The following EPN2 variants were observed in gnomAD, a reference collection of about 807,000 sequenced individuals.
EPN2 encodes epsin-2.
EPN2 carries 34 observed loss-of-function variants against 61.7 expected under a neutral mutation model. That is an observed-to-expected ratio of 0.55 (90% CI 0.42 to 0.73). The LOEUF (loss-of-function observed/expected upper bound fraction) is 0.73, where lower values mean the gene tolerates loss of function less well. Among genes scored for constraint, EPN2 ranks in the 30% least tolerant of loss-of-function variants. The pLI is 0.00. For synonymous variants in EPN2, 349 were observed against 353.6 expected (o/e 0.99, Z 0.15); for missense variants, 714 against 839.2 (o/e 0.85, Z 1.84).
chr17:19,268,555 G>T (rs140295244), intron 1 of EPN2, among the ~76,000 whole-genome samples: 1 of 152,136 alleles, frequency 6.6e-6, no homozygotes, highest in Non-Finnish European at 1.5e-5. Context: ...ATGACAAAAC[G>T]ATGTTATAAA....
chr17:19,309,788 T>G, intron 4 of EPN2, 97 bp from the exon 5 acceptor site: 4 of 895,424 alleles, frequency 4.5e-6, no homozygotes, highest in Non-Finnish European at 7.4e-6. Context: ...CTTGCGGGTT[T>G]GAGATGGGAA....
At chr17:19,240,893 C>T (rs1339004315) in intron 1 of EPN2, among the ~76,000 whole-genome samples, 4 of 152,224 alleles carry the variant, frequency 2.6e-5, no homozygotes, top group East Asian at 3.9e-4. Flanking sequence ...CAGTATTCCT[C>T]GAGGCAGGGG....
chr17:19,267,530 A>G (rs555730793), intron 1 of EPN2, among the ~76,000 whole-genome samples: 1 of 150,866 alleles, frequency 6.6e-6, no homozygotes, highest in Non-Finnish European at 1.5e-5. Flanking sequence ...TGAAGCAAGC[A>G]GTAGAGCAGC....
chr17:19,284,529 TG>T (rs2045386572), intron 3 of EPN2, among the ~76,000 whole-genome samples: 1 of 152,190 alleles, frequency 6.6e-6, no homozygotes. Context: ...TAGTGGCCTT[TG>T]GGGGACAGGG....
chr17:19,279,186 ATTGT>A (rs1417772232), intron 1 of EPN2, among the ~76,000 whole-genome samples: 2 of 152,096 alleles, frequency 1.3e-5, no homozygotes, highest in Non-Finnish European at 2.9e-5. Flanking sequence ...CTGTTTCTTA[ATTGT>A]TTGGAGTTCC....
chr17:19,280,750 TG>T (rs1395601968), intron 1 of EPN2, among the ~76,000 whole-genome samples: 1 of 152,226 alleles, frequency 6.6e-6, no homozygotes, highest in Non-Finnish European at 1.5e-5. Context: ...CAGTCAGTTT[TG>T]CAGGACACCA....
intron 1 of EPN2, among the ~76,000 whole-genome samples, chr17:19,259,078 A>T (rs1050849457): frequency 6.6e-6 from 1 of 152,254 alleles, no homozygotes; most frequent in Admixed American, 6.5e-5. Flanking sequence ...AACAAATATT[A>T]TCTGCCTTCA....
At chr17:19,314,924 A>G (rs2152233567) in intron 7 of EPN2, among the ~76,000 whole-genome samples, 1 of 152,358 alleles carries the variant, frequency 6.6e-6, no homozygotes, top group South Asian at 2.1e-4. Flanking sequence ...GATGGCCACC[A>G]TAAGTTATGG....
At chr17:19,252,835 GC>G (rs1476459123) in intron 1 of EPN2, among the ~76,000 whole-genome samples, 1 of 151,964 alleles carries the variant, frequency 6.6e-6, no homozygotes, top group Admixed American at 6.6e-5. Flanking sequence ...GGCTACAGGT[GC>G]GTGTCACCAT....
chr17:19,244,613 T>C (rs1675266713), intron 1 of EPN2, among the ~76,000 whole-genome samples: 1 of 152,198 alleles, frequency 6.6e-6, no homozygotes, highest in Non-Finnish European at 1.5e-5. Flanking sequence ...TATTCTTTCA[T>C]GTTTACAGTT....
At chr17:19,273,374 G>T (rs2045274424) in intron 1 of EPN2, 1 of 152,102 alleles carries the variant, frequency 6.6e-6, no homozygotes, top group African/African-American at 2.4e-5. Flanking sequence ...AAAGTCCCAG[G>T]GGAGACAAGT....
At chr17:19,314,091 C>T (rs999315362) in intron 7 of EPN2, among the ~76,000 whole-genome samples, 1 of 152,166 alleles carries the variant, frequency 6.6e-6, no homozygotes, top group African/African-American at 2.4e-5. Context: ...GTGTTTAACT[C>T]GGTTCCCTAG....
intron 1 of EPN2, among the ~76,000 whole-genome samples, chr17:19,241,817 C>T (rs1484868525): frequency 6.6e-6 from 1 of 151,934 alleles, no homozygotes; most frequent in Non-Finnish European, 1.5e-5. Flanking sequence ...AACTGAGGCC[C>T]AGAGAGGTTA....
intron 1 of EPN2, chr17:19,273,967 G>C (rs754413957): frequency 6.6e-6 from 1 of 152,184 alleles, no homozygotes. Flanking sequence ...TGGAGAGCCC[G>C]TGTGGTTTGG....
At chr17:19,325,265 AT>A (rs1658355188) in intron 7 of EPN2, among the ~76,000 whole-genome samples, 3 of 152,264 alleles carry the variant, frequency 2.0e-5, no homozygotes, top group African/African-American at 7.2e-5. Context: ...CAGAAGCCTA[AT>A]GGCAACACCA....
chr17:19,288,945 G>T (rs1384022054), intron 4 of EPN2, among the ~76,000 whole-genome samples: 3 of 152,066 alleles, frequency 2.0e-5, no homozygotes, highest in Non-Finnish European at 2.9e-5. Context: ...GATCCCTTGG[G>T]GTGTGTATGG....
intron 4 of EPN2, among the ~76,000 whole-genome samples, chr17:19,301,550 T>C (rs4924980): frequency 0.56 from 85,447 of 152,098 alleles, 30,854 homozygotes; most frequent in Non-Finnish European, 0.81. Flanking sequence ...CCAAGTTCCC[T>C]AGACCAGTCA....
At chr17:19,292,465 C>T (rs561411316) in intron 4 of EPN2, among the ~76,000 whole-genome samples, 4 of 152,196 alleles carry the variant, frequency 2.6e-5, no homozygotes, top group Admixed American at 6.5e-5. Context: ...CCTGCATCTT[C>T]GGCTGGCAGT....
chr17:19,312,852 A>G lies in EPN2; in HGVS notation c.973-253A>G, dbSNP rs140704817. On this transcript the variant is annotated intron_variant, in intron 6 of 10. Coordinates refer to ENST00000314728, the MANE Select transcript of EPN2 (RefSeq NM_014964.5). ...GGGCAGAAGCCAGTGTTAGCCTGGA[A>G]AAGTCTGTTGAGCCCTGAGGTCTCT... 5.1e-5 allele frequency: 23 copies of G among 452,210 alleles called. 1 individual carries two copies. The highest frequency in any genetic ancestry group is 4.5e-4 in the African/African-American group (22 of 48,534). The allele number at this position is 452,210 out of a possible 1,614,324, so 28.0% of individuals were successfully genotyped here. A position where few individuals can be genotyped will look rare whatever the true frequency, so the allele number is the denominator to read the frequency against.
Sources: gnomAD v4.1 joint callset for allele counts (sites outside exome capture counted in the v4.1 genomes callset) on GRCh38, gnomAD v4.1.1 for gene constraint, MANE v1.5 for transcripts, NCBI Gene and HGNC (gene_info 2026-07-23, HGNC 2026-07-21) for gene names.